The following TSPAN4 variants were observed in gnomAD, a reference collection of about 807,000 sequenced individuals.
TSPAN4 encodes tetraspanin 4, also known as tetraspanin-4.
TSPAN4 carries 38 observed loss-of-function variants against 31.5 expected under a neutral mutation model. That is an observed-to-expected ratio of 1.21 (90% CI 0.93 to 1.58). TSPAN4 has a LOEUF of 1.58. Ranked by LOEUF, TSPAN4 falls within the 40% of genes most tolerant of loss-of-function variation. The probability of loss-of-function intolerance (pLI) is 0.00; values close to 1 mark genes in which losing one functional copy is unlikely to be tolerated. For synonymous variants in TSPAN4, 186 were observed against 144.6 expected (o/e 1.29, Z -2.06); for missense variants, 330 against 317.3 (o/e 1.04, Z -0.30).
intron 2 of TSPAN4, among the ~76,000 whole-genome samples, chr11:847,692 C>T (rs984156979): frequency 1.3e-5 from 2 of 149,410 alleles, no homozygotes; most frequent in Non-Finnish European, 3.0e-5. Flanking sequence ...TTCATCTGCT[C>T]ACCTGGGCGA....
In TSPAN4 at chr11:861,721, A is replaced by G. The variant is rs950745017; in HGVS notation, c.64-829A>G. Among the ~76,000 whole-genome samples the G allele has an allele frequency of 1.5e-4, 23 of 151,996 alleles. No individual in the cohort carries two copies. In the East Asian group the frequency reaches 4.1e-3, roughly 27 times the overall value. Reference sequence around the variant, plus strand: ...TGCGAGACTCGGTATCAAAAAAAAAACAAAAAAGACTATTGTGGCTAAACC... The same window carrying G: ...TGCGAGACTCGGTATCAAAAAAAAAGCAAAAAAGACTATTGTGGCTAAACC... On this transcript the variant is annotated intron_variant, in intron 3 of 8. Transcript: ENST00000397397.
intron 5 of TSPAN4, 100 bp from the exon 6 acceptor site, chr11:865,413 A>T: frequency 2.2e-6 from 2 of 896,902 alleles, no homozygotes; most frequent in Non-Finnish European, 3.5e-6. Context: ...ACACAAGACC[A>T]GGCGCAGGAG....
rs534597796 is a variant in TSPAN4, at chr11:848,345, T to G, written c.-18+1045T>G. ...GGCCATGGGAAGCCCCAGGATGGCC[T>G]TGTGGGCCTTCAGGGGACCTCCAGG... On this transcript the variant is annotated intron_variant, in intron 2 of 8. Transcript: ENST00000397397. The surrounding 1 kb of genome is among the most constrained non-coding windows in gnomAD (Gnocchi z 5.7). Among the ~76,000 whole-genome samples the G allele has an allele frequency of 9.8e-4, 150 of 152,344 alleles. No individual in the cohort carries two copies. The highest frequency in any genetic ancestry group is 3.4e-3 in the African/African-American group (143 of 41,584).
At chr11:846,941 C>T (rs1189460832) in intron 1 of TSPAN4, among the ~76,000 whole-genome samples, 1 of 152,322 alleles carries the variant, frequency 6.6e-6, no homozygotes, top group East Asian at 1.9e-4. Context: ...GTCTGTGTCC[C>T]TGCCTGGCTG....
chr11:855,013 T>C (rs1332535068), intron 3 of TSPAN4, among the ~76,000 whole-genome samples: 1 of 152,194 alleles, frequency 6.6e-6, no homozygotes, highest in Non-Finnish European at 1.5e-5. Context: ...TGTGGCTCCC[T>C]GTGGGTGGGG....
chr11:848,977 G>A lies in TSPAN4; in HGVS notation c.-17-1311G>A, dbSNP rs1485565646. The stretch of plus-strand genomic sequence containing the variant: ...AGGGGTGGGGTGGGGTCTTTTACAG[G>A]CTGACTTCCAGCCTGGGCTGGAGCA... On this transcript the variant is annotated intron_variant, in intron 2 of 8. Transcript: ENST00000397397. The surrounding 1 kb of genome is among the most constrained non-coding windows in gnomAD (Gnocchi z 5.7). 1.5e-6 allele frequency: 1 copy of A among 652,846 alleles called. No individual in the cohort carries two copies. The highest frequency in any genetic ancestry group is 2.8e-6 in the Non-Finnish European group (1 of 354,830). The allele number at this position is 652,846 out of a possible 1,614,324, so 40.4% of individuals were successfully genotyped here.
At chr11:864,569 C>G in intron 5 of TSPAN4, 58 bp downstream of exon 5, 1 of 1,596,712 alleles carries the variant, frequency 6.3e-7, no homozygotes, top group South Asian at 1.1e-5. Context: ...TCCTCACTCC[C>G]AGGGAGCACT....
At chr11:850,077 C>T (rs1279768347) in intron 2 of TSPAN4, 2 of 405,488 alleles carry the variant, frequency 4.9e-6, no homozygotes, top group African/African-American at 4.3e-5. Context: ...CAGCCCCTCT[C>T]CGGAGGGCAA....
chr11:851,937 G>C (rs960025462), intron 3 of TSPAN4, among the ~76,000 whole-genome samples: 2 of 151,570 alleles, frequency 1.3e-5, no homozygotes, highest in African/African-American at 4.9e-5. Context: ...TCCCAGGGGG[G>C]GTCTCTCTGC....
At position 866,636 on chromosome 11, in the gene TSPAN4, C is replaced by G; in HGVS notation, c.*6C>G. ...CAGACACCTACTGCGCGTAGGCCGC[C>G]CACCGCCCGCTTCTCTGCCAAAAGG... On this transcript the variant is annotated 3_prime_UTR_variant, in exon 9 of 9. Coordinates refer to ENST00000397397, the MANE Select transcript of TSPAN4 (RefSeq NM_003271.5). 1 of 1,610,644 alleles carries G rather than the reference C, an allele frequency of 6.2e-7. No homozygotes were observed. The highest frequency in any genetic ancestry group is 2.2e-5 in the East Asian group (1 of 44,756).
rs1847469470 is a variant in TSPAN4 at position 848,928 on chromosome 11, G to A, written c.-17-1360G>A. On this transcript the variant is annotated intron_variant, in intron 2 of 8. Transcript: ENST00000397397. The surrounding 1 kb of genome is among the most constrained non-coding windows in gnomAD (Gnocchi z 5.7). Reference sequence around the variant, plus strand: ...AGGAGTGCAGGCACATCTGCGCACGGGGCCGGTATGTCTGTACCTGTCAAG... The same window carrying A: ...AGGAGTGCAGGCACATCTGCGCACGAGGCCGGTATGTCTGTACCTGTCAAG... 1.4e-6 allele frequency: 1 copy of A among 713,828 alleles called. No individual in the cohort carries two copies. The highest frequency in any genetic ancestry group is 2.0e-5 in the Admixed American group (1 of 49,468). The allele number at this position is 713,828 out of a possible 1,614,324, so 44.2% of individuals were successfully genotyped here. A position where few individuals can be genotyped will look rare whatever the true frequency, so the allele number is the denominator to read the frequency against.
At chr11:862,764 T>C (rs1457942742) in intron 4 of TSPAN4, 23 bp downstream of exon 4, 1 of 1,594,142 alleles carries the variant, frequency 6.3e-7, no homozygotes, top group East Asian at 2.3e-5. Flanking sequence ...GCCCAAGCGA[T>C]GCTCCGGGTG....
intron 5 of TSPAN4, chr11:865,200 C>A: frequency 5.5e-6 from 2 of 364,686 alleles, no homozygotes; most frequent in Non-Finnish European, 1.0e-5. Flanking sequence ...CGCTCATAGC[C>A]CCTGGCTTTC....
At chr11:847,700 C>T (rs1186150392) in intron 2 of TSPAN4, among the ~76,000 whole-genome samples, 4 of 146,256 alleles carry the variant, frequency 2.7e-5, no homozygotes, top group East Asian at 4.2e-4. Context: ...CTCACCTGGG[C>T]GATGTGTGCA....
At chr11:861,573 G>A (rs1235064281) in intron 3 of TSPAN4, among the ~76,000 whole-genome samples, 5 of 152,146 alleles carry the variant, frequency 3.3e-5, no homozygotes, top group Non-Finnish European at 2.9e-5. Context: ...TTAGCTGGGC[G>A]TGGTGGCGGG....
intron 8 of TSPAN4, among the ~76,000 whole-genome samples, chr11:866,357 AG>A (rs1848829660): frequency 6.7e-6 from 1 of 149,060 alleles, no homozygotes; most frequent in Non-Finnish European, 1.5e-5. Context: ...CATGCCTGCA[AG>A]GCTCAGGGGA....
intron 3 of TSPAN4, among the ~76,000 whole-genome samples, chr11:853,260 C>T (rs778896492): frequency 6.6e-6 from 1 of 152,154 alleles, no homozygotes; most frequent in Non-Finnish European, 1.5e-5. Flanking sequence ...CCCCTCTCTC[C>T]CACCTTTGCC....
At position 848,652 on chromosome 11, in the gene TSPAN4, C is replaced by T. The variant is rs1055377140; in HGVS notation, c.-18+1352C>T. Among the ~76,000 whole-genome samples the T allele has an allele frequency of 3.9e-5, 6 of 152,192 alleles. No individual in the cohort carries two copies. The highest frequency in any genetic ancestry group is 7.4e-5 in the Non-Finnish European group (5 of 68,016). On this transcript the variant is annotated intron_variant, in intron 2 of 8. Coordinates refer to ENST00000397397, the MANE Select transcript of TSPAN4 (RefSeq NM_003271.5). The surrounding 1 kb of genome is among the most constrained non-coding windows in gnomAD (Gnocchi z 5.7). ...GCTGGTCAGCCCTGCCATGGAGCAC[C>T]CCCTTCCCCTCCCTTAGCTTCCTCT...
In TSPAN4 at chr11:865,578, G is replaced by A. The variant is rs377580625; in HGVS notation, c.396G>A (p.Val132=). The change falls in exon 6 of 9, where the codon GTG becomes GTA. Residue 132 remains valine (V), a synonymous_variant. Coordinates refer to ENST00000397397, the MANE Select transcript of TSPAN4 (RefSeq NM_003271.5). ...ACCTGTACGGCACGCAGGGCAACGT[G>A]GGCCTCACCAACGCCTGGAGCATCA... The part of the protein sequence containing the change: ...GLHLYGTQGN[V]GLTNAWSIIQ... 1.9e-6 allele frequency: 3 copies of A among 1,612,814 alleles called. No homozygotes were observed. The Admixed American group carries it at 5.0e-5, about 27-fold the overall frequency.
Sources: allele counts gnomAD v4.1 joint callset (sites outside exome capture counted in the v4.1 genomes callset), GRCh38; gene constraint gnomAD v4.1.1; non-coding constraint Gnocchi (gnomAD v3.1); transcripts MANE v1.5; gene names NCBI Gene and HGNC (gene_info 2026-07-23, HGNC 2026-07-21).